Variants in ENTREP2 observed in about 807,000 individuals in gnomAD.
ENTREP2 encodes the protein protein ENTREP2.
chr15:29,126,230 C>T, the ENTREP2 span: 1 of 1,421,852 alleles, frequency 7.0e-7, no homozygotes, highest in African/African-American at 1.4e-5. Flanking sequence ...GAAAGCTGGC[C>T]ACACTCTGGG....
the ENTREP2 span, among the ~76,000 whole-genome samples, chr15:29,617,407 G>A: frequency 3.3e-5 from 5 of 152,140 alleles, no homozygotes; most frequent in Non-Finnish European, 7.3e-5. Context: ...ATTGGTGAGG[G>A]TGATCTTTAC....
chr15:29,407,443 G>A, the ENTREP2 span, among the ~76,000 whole-genome samples: 1 of 152,120 alleles, frequency 6.6e-6, no homozygotes. Context: ...CCATGTATGA[G>A]CACATGAAGT....
the ENTREP2 span, among the ~76,000 whole-genome samples, chr15:29,333,411 G>A: frequency 6.6e-6 from 1 of 152,124 alleles, no homozygotes. Context: ...GCAGTCCAGA[G>A]ACATCCAGCA....
At chr15:29,239,136 G>C in the ENTREP2 span, among the ~76,000 whole-genome samples, 35 of 152,272 alleles carry the variant, frequency 2.3e-4, 1 homozygote, top group East Asian at 6.6e-3. Context: ...CACATGAAGG[G>C]AGGAAACCAT....
At chr15:29,507,089 A>C in the ENTREP2 span, among the ~76,000 whole-genome samples, 1 of 152,190 alleles carries the variant, frequency 6.6e-6, no homozygotes, top group Admixed American at 6.5e-5. Flanking sequence ...AAGCAAAAAA[A>C]AAGCAGGGGT....
At chr15:29,457,863 G>A in the ENTREP2 span, among the ~76,000 whole-genome samples, 5 of 152,154 alleles carry the variant, frequency 3.3e-5, no homozygotes, top group Non-Finnish European at 7.4e-5. Flanking sequence ...CTGCAGGCCA[G>A]TGGGAACCTA....
the ENTREP2 span, among the ~76,000 whole-genome samples, chr15:29,478,397 T>C: frequency 6.6e-6 from 1 of 152,142 alleles, no homozygotes; most frequent in Non-Finnish European, 1.5e-5. Context: ...ACATAAAAAA[T>C]ATTCAGATGT....
chr15:29,627,922 A>G, the ENTREP2 span, among the ~76,000 whole-genome samples: 22 of 152,278 alleles, frequency 1.4e-4, 1 homozygote, highest in South Asian at 4.6e-3. Flanking sequence ...CTTTTCACCT[A>G]TTGTGAATAA....
chr15:29,146,191 T>C, the ENTREP2 span, among the ~76,000 whole-genome samples: 1 of 152,198 alleles, frequency 6.6e-6, no homozygotes, highest in Admixed American at 6.5e-5. Flanking sequence ...CTCATGTCCA[T>C]AGGTTGGAGG....
the ENTREP2 span, among the ~76,000 whole-genome samples, chr15:29,162,408 A>C: frequency 9.2e-3 from 1,394 of 152,242 alleles, 20 homozygotes; most frequent in African/African-American, 0.031. Context: ...GGGTAGCCTG[A>C]GGCAAGTTCT....
the ENTREP2 span, among the ~76,000 whole-genome samples, chr15:29,662,538 G>GCCAGGT: frequency 1.3e-5 from 2 of 151,980 alleles, no homozygotes; most frequent in Non-Finnish European, 2.9e-5. Flanking sequence ...CACCATTTTA[G>GCCAGGT]TGCATTACAC....
the ENTREP2 span, chr15:29,234,018 C>T: frequency 1.3e-6 from 2 of 1,488,908 alleles, no homozygotes; most frequent in East Asian, 2.3e-5. Flanking sequence ...TGACTTGTTC[C>T]ACCTCTGGGT....
At chr15:29,190,515 C>T in the ENTREP2 span, among the ~76,000 whole-genome samples, 2 of 152,092 alleles carry the variant, frequency 1.3e-5, no homozygotes, top group African/African-American at 4.8e-5. Context: ...TATTCCTCCT[C>T]GGCCATGAAG....
the ENTREP2 span, among the ~76,000 whole-genome samples, chr15:29,362,507 T>C: frequency 6.6e-6 from 1 of 151,416 alleles, no homozygotes; most frequent in African/African-American, 2.4e-5. Context: ...CCAGAGTAGC[T>C]GGGACTAGAG....
the ENTREP2 span, among the ~76,000 whole-genome samples, chr15:29,656,041 A>C: frequency 4.2e-4 from 64 of 151,270 alleles, no homozygotes; most frequent in Middle Eastern, 3.4e-3. Context: ...AAAAAAAAAA[A>C]AACAACTATG....
the ENTREP2 span, chr15:29,381,707 C>T: frequency 7.3e-7 from 1 of 1,368,806 alleles, no homozygotes; most frequent in Non-Finnish European, 1.0e-6. Context: ...CCACTGCCTC[C>T]AACCTGCTCA....
chr15:29,598,779 C>G, the ENTREP2 span, among the ~76,000 whole-genome samples: 1 of 152,158 alleles, frequency 6.6e-6, no homozygotes, highest in African/African-American at 2.4e-5. Flanking sequence ...TCACTGCAAG[C>G]TTCACCTCTC....
chr15:29,240,990 A>T, the ENTREP2 span, among the ~76,000 whole-genome samples: 1 of 152,248 alleles, frequency 6.6e-6, no homozygotes, highest in Non-Finnish European at 1.5e-5. Flanking sequence ...GTCCAAACAT[A>T]TACTAAAATG....
chr15:29,647,022 A>G, the ENTREP2 span, among the ~76,000 whole-genome samples: 4 of 152,204 alleles, frequency 2.6e-5, no homozygotes, highest in South Asian at 8.3e-4. Context: ...CCCACCTGGA[A>G]CAGGCCCTTT....
Sources: allele counts gnomAD v4.1 joint callset (sites outside exome capture counted in the v4.1 genomes callset), GRCh38; gene constraint gnomAD v4.1.1; transcripts MANE v1.5; gene names NCBI Gene and HGNC (gene_info 2026-07-23, HGNC 2026-07-21).